Variants in SLC25A31 observed in about 807,000 individuals in gnomAD.
The protein encoded by SLC25A31 is solute carrier family 25 member 31.
A neutral mutation model predicts 36.2 loss-of-function variants in SLC25A31; 40 were observed. The ratio of observed to expected loss-of-function variants is 1.10; its 90% CI spans 0.86 to 1.44. The LOEUF is 1.44. SLC25A31 is among the 40% of genes most tolerant of loss of function. The pLI is 0.00. For synonymous variants in SLC25A31, 143 were observed against 149.7 expected (o/e 0.96, Z 0.32); for missense variants, 350 against 397.1 (o/e 0.88, Z 1.01).
At chr4:127,770,544 T>A (rs999264122) in intron 5 of SLC25A31, among the ~76,000 whole-genome samples, 1 of 151,606 alleles carries the variant, frequency 6.6e-6, no homozygotes, top group Admixed American at 6.6e-5. Flanking sequence ...GAGAATGGCA[T>A]GAACCACGAG....
At position 127,730,722 on chromosome 4, in the gene SLC25A31, C is replaced by G. The variant is rs1447231505; in HGVS notation, c.177C>G (p.Pro59=). Residue 59 remains proline, a synonymous_variant, in exon 1 of 6, where the codon CCC becomes CCG. Transcript: ENST00000281154. ...AGGCGTCGTCGAAGCAGATCAGCCC[C>G]GAGGCGCGGTACAAAGGCATGGTGG... ...QVQASSKQIS[P]EARYKGMVDC... is the part of the protein sequence containing the mutation. 2 of 1,613,678 alleles carry G rather than the reference C, an allele frequency of 1.2e-6. No individual in the cohort carries two copies. Among genetic ancestry groups the G allele is most frequent in the South Asian group, 1.1e-5 (1 of 91,074 alleles).
chr4:127,760,423 C>G (rs1451209992), intron 2 of SLC25A31, among the ~76,000 whole-genome samples: 1 of 152,162 alleles, frequency 6.6e-6, no homozygotes, highest in African/African-American at 2.4e-5. Flanking sequence ...CTAGTTTGTT[C>G]CAATCTAACT....
At chr4:127,744,951 G>A in intron 2 of SLC25A31, 152 bp downstream of exon 2, 1 of 557,152 alleles carries the variant, frequency 1.8e-6, no homozygotes. Flanking sequence ...ATTTGGGGAG[G>A]ATGTGCTCAA....
intron 1 of SLC25A31, among the ~76,000 whole-genome samples, chr4:127,735,976 G>T (rs1206007585): frequency 6.8e-6 from 1 of 146,270 alleles, no homozygotes; most frequent in Non-Finnish European, 1.5e-5. Context: ...TGCAAGCTCC[G>T]TCTCCCGGGT....
chr4:127,748,274 C>T (rs1731860525), intron 2 of SLC25A31, among the ~76,000 whole-genome samples: 3 of 152,212 alleles, frequency 2.0e-5, no homozygotes, highest in Admixed American at 2.0e-4. Flanking sequence ...TATAAATCGG[C>T]TCCTGCCCTT....
chr4:127,767,238 A>G lies in SLC25A31; in HGVS notation c.633+18A>G. 1 of 1,495,878 alleles carries G rather than the reference A, an allele frequency of 6.7e-7. No individual in the cohort carries two copies. 92.7% of individuals were successfully genotyped at this position (1,495,878 alleles called of 1,614,324 possible). Reference sequence around the variant, plus strand: ...CAGTTAAGGTAATCTGGGGGCTTTAACTTGGACATATTAAATATATGGTTT... The same window carrying G: ...CAGTTAAGGTAATCTGGGGGCTTTAGCTTGGACATATTAAATATATGGTTT... On this transcript the variant is annotated intron_variant, in intron 4 of 5. Coordinates refer to ENST00000281154, the MANE Select transcript of SLC25A31 (RefSeq NM_031291.4).
chr4:127,730,799 C>G (rs1419426166), intron 1 of SLC25A31, 22 bp downstream of exon 1: 2 of 1,590,104 alleles, frequency 1.3e-6, no homozygotes, highest in Non-Finnish European at 1.7e-6. Context: ...CAGGCCGCCC[C>G]GACAGCCTCT....
At chr4:127,751,651 G>C (rs1731935078) in intron 2 of SLC25A31, among the ~76,000 whole-genome samples, 2 of 151,952 alleles carry the variant, frequency 1.3e-5, no homozygotes, top group Non-Finnish European at 2.9e-5. Context: ...CAGAATGGGA[G>C]AAAAGTTTTG....
intron 1 of SLC25A31, among the ~76,000 whole-genome samples, chr4:127,734,374 A>T (rs532954017): frequency 3.8e-4 from 58 of 152,216 alleles, no homozygotes; most frequent in Non-Finnish European, 6.5e-4. Context: ...AGCCTGGCCA[A>T]CATGGTGAAA....
At chr4:127,756,715 T>G (rs1272106864) in intron 2 of SLC25A31, among the ~76,000 whole-genome samples, 1 of 152,170 alleles carries the variant, frequency 6.6e-6, no homozygotes, top group Non-Finnish European at 1.5e-5. Flanking sequence ...CTAAAAAAAT[T>G]TTTAAGTCAT....
chr4:127,745,196 T>C (rs1241311409), intron 2 of SLC25A31, among the ~76,000 whole-genome samples: 1 of 152,170 alleles, frequency 6.6e-6, no homozygotes, highest in Admixed American at 6.5e-5. Context: ...TTCTTTCTTC[T>C]TTGAGAATAA....
intron 3 of SLC25A31, 69 bp downstream of exon 3, chr4:127,764,429 T>A: frequency 1.5e-6 from 2 of 1,303,410 alleles, no homozygotes; most frequent in Non-Finnish European, 2.2e-6. Context: ...TTATTGGCAT[T>A]AATTGTGCTA....
rs781190567 is a variant in SLC25A31 at position 127,764,328 on chromosome 4, C to T, written c.446C>T (p.Ala149Val). 3 of 1,613,598 alleles carry T rather than the reference C, an allele frequency of 1.9e-6. No homozygotes were observed. Among genetic ancestry groups the T allele is most frequent in the Non-Finnish European group, 1.7e-6 (2 of 1,179,806 alleles). The change falls in exon 3 of 6, where the codon GCC becomes GTC. Residue 149 changes from alanine (A) to valine (V), a missense_variant. Coordinates refer to ENST00000281154, the MANE Select transcript of SLC25A31 (RefSeq NM_031291.4). Reference sequence around the variant, plus strand: ...TGTGTAGTATATCCTCTAGATTTTGCCCGAACCCGATTAGGTGTCGATATT... The same window carrying T: ...TGTGTAGTATATCCTCTAGATTTTGTCCGAACCCGATTAGGTGTCGATATT... ...SLCVVYPLDF[A>V]RTRLGVDIGK...
intron 2 of SLC25A31, among the ~76,000 whole-genome samples, chr4:127,752,043 A>G (rs1731943609): frequency 6.6e-6 from 1 of 152,276 alleles, no homozygotes; most frequent in Non-Finnish European, 1.5e-5. Flanking sequence ...TAGAAATAAC[A>G]TTTGACCCAG....
chr4:127,730,426 C>G lies in SLC25A31; in HGVS notation c.-120C>G, dbSNP rs1409296344. 11 of 1,125,736 alleles carry G rather than the reference C, an allele frequency of 9.8e-6. No individual in the cohort carries two copies. Among genetic ancestry groups the G allele is most frequent in the Middle Eastern group, 2.1e-4 (1 of 4,746 alleles). The allele number at this position is 1,125,736 out of a possible 1,614,324, so 69.7% of individuals were successfully genotyped here. Reference sequence around the variant, plus strand: ...CCGGCGCGCGGCTCTCTCAGCGTCCCAAGAGCCACTTTCTCGCCAGTACGA... The same window carrying G: ...CCGGCGCGCGGCTCTCTCAGCGTCCGAAGAGCCACTTTCTCGCCAGTACGA... On this transcript the variant is annotated 5_prime_UTR_variant, in exon 1 of 6. Transcript: ENST00000281154.
chr4:127,769,894 CAT>C (rs1327958980), intron 5 of SLC25A31, among the ~76,000 whole-genome samples: 1 of 152,134 alleles, frequency 6.6e-6, no homozygotes, highest in African/African-American at 2.4e-5. Context: ...ATAGCCAGGT[CAT>C]AAGTTTTATG....
At chr4:127,740,544 C>T (rs1731713471) in intron 1 of SLC25A31, among the ~76,000 whole-genome samples, 1 of 152,194 alleles carries the variant, frequency 6.6e-6, no homozygotes, top group African/African-American at 2.4e-5. Flanking sequence ...AGAAAGGATG[C>T]GCCAGGCTGA....
intron 1 of SLC25A31, among the ~76,000 whole-genome samples, chr4:127,742,055 T>G (rs1731742161): frequency 6.6e-6 from 1 of 152,190 alleles, no homozygotes; most frequent in African/African-American, 2.4e-5. Flanking sequence ...TCAATTTTGT[T>G]TATCTTCTTC....
intron 1 of SLC25A31, among the ~76,000 whole-genome samples, chr4:127,735,978 C>G (rs867529087): frequency 1.3e-5 from 2 of 148,710 alleles, no homozygotes; most frequent in African/African-American, 4.9e-5. Flanking sequence ...CAAGCTCCGT[C>G]TCCCGGGTTC....
Sources: allele counts gnomAD v4.1 joint callset (sites outside exome capture counted in the v4.1 genomes callset), GRCh38; gene constraint gnomAD v4.1.1; transcripts MANE v1.5; gene names NCBI Gene and HGNC (gene_info 2026-07-23, HGNC 2026-07-21).